The following RPE65 variants were observed in gnomAD, a reference collection of about 807,000 sequenced individuals.
RPE65 encodes retinoid isomerohydrolase RPE65.
In RPE65, 58 loss-of-function variants were observed where a neutral mutation model predicts 68.5. The ratio of observed to expected loss-of-function variants is 0.85; its 90% CI spans 0.69 to 1.05. The LOEUF is 1.05. RPE65 is among the 50% of genes least tolerant of loss of function. The pLI is 0.00. For missense variants in RPE65, 643 were observed against 629.9 expected, an observed-to-expected ratio of 1.02 and a Z score of -0.22; for synonymous variants, 220 against 222.2, an observed-to-expected ratio of 0.99 and a Z score of 0.09.
intron 5 of RPE65, among the ~76,000 whole-genome samples, chr1:68,443,221 A>T (rs913484364): frequency 6.6e-6 from 1 of 152,226 alleles, no homozygotes. Context: ...CTTGACATTA[A>T]CTACTCTAGG....
intron 10 of RPE65, among the ~76,000 whole-genome samples, chr1:68,437,939 C>A (rs569247008): frequency 6.6e-6 from 1 of 152,168 alleles, no homozygotes; most frequent in East Asian, 1.9e-4. Flanking sequence ...AATACAAGAA[C>A]GGCAGATTTA....
rs1400815962 is a variant in RPE65 at position 68,431,369 on chromosome 1, C to T, written c.1251G>A (p.Glu417=). ...ACTTCTGGTAATTGATTTGAGGAAA[C>T]TCAAATGCTACGAAATAGAGCACAT... is the stretch of plus-strand genomic sequence containing the variant. ...VLFSGPRQAF[E]FPQINYQKYC... is the part of the protein sequence containing the mutation. The change falls in exon 12 of 14, where the codon GAG becomes GAA. Residue 417 remains glutamate, a synonymous_variant. Coordinates refer to ENST00000262340, the MANE Select transcript of RPE65 (RefSeq NM_000329.3). 1 of 1,613,868 alleles carries T rather than the reference C, an allele frequency of 6.2e-7. No homozygotes were observed.
At chr1:68,445,129 A>G (rs1024607917) in intron 3 of RPE65, among the ~76,000 whole-genome samples, 2 of 152,132 alleles carry the variant, frequency 1.3e-5, no homozygotes, top group Non-Finnish European at 2.9e-5. Context: ...CAGAGGAGTT[A>G]AGTGATTGGC....
At chr1:68,436,067 G>A (rs1403267160) in intron 10 of RPE65, among the ~76,000 whole-genome samples, 1 of 152,164 alleles carries the variant, frequency 6.6e-6, no homozygotes, top group African/African-American at 2.4e-5. Context: ...TAACCATACA[G>A]TTAGAAAAAT....
chr1:68,439,207 G>A lies in RPE65; in HGVS notation c.842C>T (p.Ser281Phe). ...WGANYMDCFE[S>F]NETMGVWLHI... Reference sequence around the variant, plus strand: ...AAGACTTACCCCCATGGTTTCATTGGACTCAAAACAATCCATGTAGTTGGC... The same window carrying A: ...AAGACTTACCCCCATGGTTTCATTGAACTCAAAACAATCCATGTAGTTGGC... Residue 281 changes from serine (S) to phenylalanine (F), a missense_variant, in exon 8 of 14, where the codon TCC (serine) becomes TTC (phenylalanine). Coordinates refer to ENST00000262340, the MANE Select transcript of RPE65 (RefSeq NM_000329.3). 2 of 1,613,958 alleles carry A rather than the reference G, an allele frequency of 1.2e-6. No homozygotes were observed. The highest frequency in any genetic ancestry group is 1.7e-6 in the Non-Finnish European group (2 of 1,179,970).
Position 68,429,862 on chromosome 1 carries a change from T to A in RPE65, c.1516A>T (p.Asn506Tyr). 6.2e-7 allele frequency: 1 copy of A among 1,613,890 alleles called. No individual in the cohort carries two copies. The highest frequency in any genetic ancestry group is 8.5e-7 in the Non-Finnish European group (1 of 1,179,820). The change falls in exon 14 of 14, where the codon AAT (asparagine) becomes TAT (tyrosine). Residue 506 changes from asparagine to tyrosine, a missense_variant. Transcript: ENST00000262340. ...GQKPAYLLILNAKDLSEVARA... is the reference protein window; with the variant it reads ...GQKPAYLLILYAKDLSEVARA... Reference sequence around the variant, plus strand: ...GCAACTTCACTTAAGTCCTTGGCATTCAGAATCAGGAGATAAGCAGGCTTT... The same window carrying A: ...GCAACTTCACTTAAGTCCTTGGCATACAGAATCAGGAGATAAGCAGGCTTT...
Position 68,429,743 on chromosome 1 carries a change from T to C in RPE65, c.*33A>G. The C allele has an allele frequency of 1.2e-6, 2 of 1,613,048 alleles. No individual in the cohort carries two copies. The highest frequency in any genetic ancestry group is 1.7e-6 in the Non-Finnish European group (2 of 1,179,330). ...AGACCTGAAGCTGATTTTCTCAGTTTTGCTACCAAAAACATATCTTGCTGG... is the reference window on the plus strand; with the variant it reads ...AGACCTGAAGCTGATTTTCTCAGTTCTGCTACCAAAAACATATCTTGCTGG... On this transcript the variant is annotated 3_prime_UTR_variant, in exon 14 of 14. Coordinates refer to ENST00000262340, the MANE Select transcript of RPE65 (RefSeq NM_000329.3).
intron 1 of RPE65, among the ~76,000 whole-genome samples, 168 bp downstream of exon 1, chr1:68,449,727 C>A (rs1645969510): frequency 6.6e-6 from 1 of 152,162 alleles, no homozygotes; most frequent in Non-Finnish European, 1.5e-5. Flanking sequence ...GACCTGAATT[C>A]TAGCTAGTTG....
intron 10 of RPE65, among the ~76,000 whole-genome samples, 199 bp from the exon 11 acceptor site, chr1:68,431,784 A>C (rs1039110169): frequency 6.6e-6 from 1 of 152,068 alleles, no homozygotes; most frequent in Admixed American, 6.6e-5. Flanking sequence ...GCTATGTATC[A>C]CTGGGAAAGT....
intron 3 of RPE65, 121 bp downstream of exon 3, chr1:68,446,589 T>C (rs1645944616): frequency 2.7e-6 from 3 of 1,110,908 alleles, no homozygotes; most frequent in Non-Finnish European, 2.7e-6. Flanking sequence ...CCAGGTACAT[T>C]GTGAGAAGAA....
chr1:68,438,384 C>G, intron 9 of RPE65, 68 bp from the exon 10 acceptor site: 1 of 1,571,264 alleles, frequency 6.4e-7, no homozygotes, highest in South Asian at 1.1e-5. Context: ...TGATTCTTGC[C>G]TTTTTAAGCA....
chr1:68,440,322 G>A (rs1645893252), intron 6 of RPE65, among the ~76,000 whole-genome samples: 1 of 152,250 alleles, frequency 6.6e-6, no homozygotes, highest in Non-Finnish European at 1.5e-5. Context: ...GGTGAACAAT[G>A]AACCTGGCAA....
rs12074337 is a variant in RPE65 at position 68,441,358 on chromosome 1, G to T, written c.496-358C>A. Among the ~76,000 whole-genome samples the T allele has an allele frequency of 1.8e-3, 269 of 152,192 alleles. 1 individual carries two copies. Among genetic ancestry groups the T allele is most frequent in the African/African-American group, 4.9e-3 (205 of 41,540 alleles). ...TATTGTATTAGATTTAATTGTATAA[G>T]ATTGCTAACATTTAATAATTGCTGA... On this transcript the variant is annotated intron_variant, in intron 5 of 13. Transcript: ENST00000262340.
At chr1:68,436,720 G>A (rs79716012) in intron 10 of RPE65, among the ~76,000 whole-genome samples, 12,808 of 151,878 alleles carry the variant, frequency 0.084, 914 homozygotes, top group East Asian at 0.38. Flanking sequence ...CACCCGCCTC[G>A]GCCTCCCAAA....
At position 68,429,788 on chromosome 1, in the gene RPE65, G is replaced by T. The variant is rs2100804954; in HGVS notation, c.1590C>A (p.Phe530Leu). Residue 530 changes from phenylalanine (F) to leucine (L), a missense_variant, in exon 14 of 14, where the codon TTC (phenylalanine) becomes TTA (leucine). Phe to Leu is a conservative substitution (Grantham distance 22). Coordinates refer to ENST00000262340, the MANE Select transcript of RPE65 (RefSeq NM_000329.3). ...TGCTGGAGTATGCTCAAGATTTTTT[G>T]AACAGTCCATGAAAGGTGACAGGGA... Reference protein sequence around the residue: ...INIPVTFHGLFKKS With the variant: ...INIPVTFHGLLKKS 1.9e-6 allele frequency: 3 copies of T among 1,613,438 alleles called. No individual in the cohort carries two copies. The highest frequency in any genetic ancestry group is 2.2e-5 in the East Asian group (1 of 44,848).
At position 68,440,850 on chromosome 1, in the gene RPE65, C is replaced by T. The variant is rs1277690393; in HGVS notation, c.643+3G>A. 5 of 1,613,846 alleles carry T rather than the reference C, an allele frequency of 3.1e-6. No homozygotes were observed. The highest frequency in any genetic ancestry group is 4.2e-6 in the Non-Finnish European group (5 of 1,179,862). On this transcript the variant is annotated splice_donor_region_variant and intron_variant, in intron 6 of 13. Transcript: ENST00000262340. ...TCAGAAGAGGACAGATTGGTAAACT[C>T]ACCTGCTTGCAGTGGTGGGATCTTT...
Position 68,434,111 on chromosome 1 carries a change from T to TACAC in RPE65, c.1129-2527_1129-2526insGTGT, listed in dbSNP as rs577714877. ...TGAGGGATATATATATATATATATA[T>TACAC]ATATACACACACACACACACACACA... On this transcript the variant is annotated intron_variant, in intron 10 of 13. Transcript: ENST00000262340. 5.5e-4 allele frequency among the ~76,000 whole-genome samples: 78 copies of TACAC among 142,642 alleles called. 1 individual carries two copies. Among genetic ancestry groups the TACAC allele is most frequent in the South Asian group, 5.0e-3 (22 of 4,398 alleles). The allele number at this position is 142,642 out of a possible 152,430, so 93.6% of individuals were successfully genotyped here.
At chr1:68,437,373 C>T (rs1180521988) in intron 10 of RPE65, among the ~76,000 whole-genome samples, 2 of 152,276 alleles carry the variant, frequency 1.3e-5, no homozygotes, top group African/African-American at 4.8e-5. Context: ...CAACCTCAAC[C>T]TTCTCCCTCT....
chr1:68,439,428 T>G, intron 7 of RPE65, 105 bp from the exon 8 acceptor site: 2 of 1,552,704 alleles, frequency 1.3e-6, no homozygotes. Context: ...CAACAGTGCC[T>G]ACATGAAATT....
Sources: allele counts gnomAD v4.1 joint callset (sites outside exome capture counted in the v4.1 genomes callset), GRCh38; gene constraint gnomAD v4.1.1; transcripts MANE v1.5; gene names NCBI Gene and HGNC (gene_info 2026-07-23, HGNC 2026-07-21).